The following DEPDC5 variants were observed in gnomAD, a reference collection of about 807,000 sequenced individuals.
DEPDC5 encodes GATOR1 complex protein DEPDC5.
In DEPDC5, 73 loss-of-function variants were observed where a neutral mutation model predicts 217.3. The ratio of observed to expected loss-of-function variants is 0.34; its 90% CI spans 0.28 to 0.41. The LOEUF is 0.41. Among genes scored for constraint, DEPDC5 ranks in the 10% least tolerant of loss-of-function variants. DEPDC5 has a pLI of 1.00. For synonymous variants in DEPDC5, 733 were observed against 756.7 expected (o/e 0.97, Z 0.51); for missense variants, 1,675 against 2,070.1 (o/e 0.81, Z 3.70).
intron 34 of DEPDC5, among the ~76,000 whole-genome samples, chr22:31,871,506 G>A (rs2092841516): frequency 6.6e-6 from 1 of 152,204 alleles, no homozygotes; most frequent in South Asian, 2.1e-4. Flanking sequence ...ATTCTGGCCA[G>A]TAGAGGTGAT....
intron 31 of DEPDC5, chr22:31,853,486 A>C (rs1168825907): frequency 6.6e-6 from 1 of 152,120 alleles, no homozygotes; most frequent in East Asian, 1.9e-4. Context: ...CTTGCACAGA[A>C]TTTTTTATTT....
intron 33 of DEPDC5, among the ~76,000 whole-genome samples, chr22:31,865,857 A>G (rs942272762): frequency 2.0e-5 from 3 of 152,226 alleles, no homozygotes; most frequent in Non-Finnish European, 4.4e-5. Flanking sequence ...TCTGCAAGGC[A>G]TATGGGATTC....
intron 21 of DEPDC5, among the ~76,000 whole-genome samples, chr22:31,817,687 C>G (rs1420044174): frequency 6.6e-6 from 1 of 150,698 alleles, no homozygotes; most frequent in Non-Finnish European, 1.5e-5. Flanking sequence ...CGGTCTCAAT[C>G]TGTTGCCCAG....
chr22:31,851,377 T>C (rs756941843), intron 31 of DEPDC5, among the ~76,000 whole-genome samples: 3 of 152,142 alleles, frequency 2.0e-5, no homozygotes, highest in Non-Finnish European at 2.9e-5. Context: ...AGCAAAGCGT[T>C]TACATGGGGG....
chr22:31,870,633 G>C lies in DEPDC5; in HGVS notation c.3374G>C (p.Ser1125Thr). 6.3e-7 allele frequency: 1 copy of C among 1,596,466 alleles called. No homozygotes were observed. Among genetic ancestry groups the C allele is most frequent in the Non-Finnish European group, 8.5e-7 (1 of 1,172,654 alleles). ...GCCACTCCTATGTTGGACGGCACCA[G>C]TTTGGGCATATGCACAGGCCAATCC... is the stretch of plus-strand genomic sequence containing the variant. ...QTATPMLDGT[S>T]LGICTGQSMD... Residue 1125 changes from serine to threonine, a missense_variant, in exon 34 of 43, where the codon AGT (serine) becomes ACT (threonine). Physicochemically the swap from Ser to Thr is moderately conservative, Grantham distance 58. Coordinates refer to ENST00000651528, the MANE Select transcript of DEPDC5 (RefSeq NM_001242896.3).
chr22:31,857,782 A>G (rs1165400945), intron 32 of DEPDC5: 2 of 409,630 alleles, frequency 4.9e-6, no homozygotes, highest in African/African-American at 2.1e-5. Flanking sequence ...TAAAACGGTC[A>G]GTCATGCTTG....
At chr22:31,807,273 GTGATAATATGCAAATACATC>G (rs2087663380) in intron 18 of DEPDC5, among the ~76,000 whole-genome samples, 1 of 152,174 alleles carries the variant, frequency 6.6e-6, no homozygotes, top group African/African-American at 2.4e-5. Flanking sequence ...AATAATTGAA[GTGATAATATGCAAATACATC>G]TGGGTTTAGT....
intron 31 of DEPDC5, 109 bp downstream of exon 31, chr22:31,847,076 A>G (rs2091779432): frequency 6.7e-6 from 10 of 1,495,072 alleles, no homozygotes; most frequent in South Asian, 1.2e-5. Context: ...GGAGCTTGTA[A>G]TTAGGGAGAA....
intron 31 of DEPDC5, among the ~76,000 whole-genome samples, chr22:31,848,277 G>A (rs2091854629): frequency 6.6e-6 from 1 of 152,182 alleles, no homozygotes; most frequent in African/African-American, 2.4e-5. Context: ...CTGGTGGATG[G>A]TGGCCCTCTT....
intron 37 of DEPDC5, among the ~76,000 whole-genome samples, chr22:31,878,667 T>A (rs760423069): frequency 1.3e-5 from 2 of 152,044 alleles, no homozygotes. Flanking sequence ...GAGCCATGGT[T>A]GTACCACTGC....
intron 41 of DEPDC5, among the ~76,000 whole-genome samples, chr22:31,903,182 TC>T (rs1335990666): frequency 1.3e-5 from 1 of 75,276 alleles, no homozygotes; most frequent in African/African-American, 5.6e-5. Context: ...ACCTCTACGT[TC>T]CACACCTAAC....
chr22:31,847,041 A>AAG (rs1244858273), intron 31 of DEPDC5, 74 bp downstream of exon 31: 2 of 1,597,126 alleles, frequency 1.3e-6, no homozygotes, highest in African/African-American at 2.7e-5. Context: ...TGTTCCCTTG[A>AAG]GGGGGTGAAA....
Position 31,792,113 on chromosome 22 carries a change from A to G in DEPDC5, c.694+11A>G, listed in dbSNP as rs762475359. 4.4e-6 allele frequency: 7 copies of G among 1,582,836 alleles called. No individual in the cohort carries two copies. Among genetic ancestry groups the G allele is most frequent in the East Asian group, 2.2e-5 (1 of 44,656 alleles). On this transcript the variant is annotated intron_variant, in intron 11 of 42. Coordinates refer to ENST00000651528, the MANE Select transcript of DEPDC5 (RefSeq NM_001242896.3). ...ATGCAAAATCTGTTGGTGAGTAACTATTTCTCTCCTACAGTTATGTTTTTG... is the reference window on the plus strand; with the variant it reads ...ATGCAAAATCTGTTGGTGAGTAACTGTTTCTCTCCTACAGTTATGTTTTTG...
At chr22:31,808,725 C>T (rs1209189767) in intron 18 of DEPDC5, among the ~76,000 whole-genome samples, 1 of 151,958 alleles carries the variant, frequency 6.6e-6, no homozygotes, top group Admixed American at 6.6e-5. Flanking sequence ...AGCCACCATG[C>T]CCAGCTAATT....
At chr22:31,792,350 A>G (rs1193240422) in intron 11 of DEPDC5, among the ~76,000 whole-genome samples, 1 of 152,086 alleles carries the variant, frequency 6.6e-6, no homozygotes, top group Non-Finnish European at 1.5e-5. Flanking sequence ...TCACGCCTGT[A>G]ATCCCACGAC....
intron 20 of DEPDC5, among the ~76,000 whole-genome samples, chr22:31,811,796 T>G (rs1415130861): frequency 2.0e-5 from 3 of 151,730 alleles, no homozygotes; most frequent in African/African-American, 7.3e-5. Context: ...TCCTCCCGCC[T>G]TAGTCTCCAA....
At chr22:31,804,700 A>G in intron 16 of DEPDC5, 142 bp from the exon 17 acceptor site, 3 of 774,378 alleles carry the variant, frequency 3.9e-6, no homozygotes, top group Non-Finnish European at 6.3e-6. Context: ...TTGGCCTCCC[A>G]AATTGCTGGG....
Position 31,797,686 on chromosome 22 carries a change from T to G in DEPDC5, c.854T>G (p.Val285Gly). The change falls in exon 13 of 43, where the codon GTG (valine) becomes GGG (glycine). Residue 285 changes from valine to glycine, a missense_variant. Val to Gly is a moderately radical substitution (Grantham distance 109). Coordinates refer to ENST00000651528, the MANE Select transcript of DEPDC5 (RefSeq NM_001242896.3). ...KKLFIQYPVL[V>G]RLEQAEGFPQ... ...CTCTTCATCCAGTATCCAGTGTTGG[T>G]GCGACTGGAACAGGCAGGTACTGCA... 6.2e-7 allele frequency: 1 copy of G among 1,613,600 alleles called. No individual in the cohort carries two copies. The highest frequency in any genetic ancestry group is 8.5e-7 in the Non-Finnish European group (1 of 1,179,568).
At chr22:31,774,172 C>G (rs1418844056) in intron 7 of DEPDC5, among the ~76,000 whole-genome samples, 1 of 151,728 alleles carries the variant, frequency 6.6e-6, no homozygotes, top group African/African-American at 2.4e-5. Context: ...AAATAATGAC[C>G]TTAAACCCTA....
Sources: gnomAD v4.1 joint callset for allele counts (sites outside exome capture counted in the v4.1 genomes callset) on GRCh38, gnomAD v4.1.1 for gene constraint, MANE v1.5 for transcripts, NCBI Gene and HGNC (gene_info 2026-07-23, HGNC 2026-07-21) for gene names.